DCAF6: variants seen among roughly 807,000 people sequenced by gnomAD.
DCAF6 encodes DDB1- and CUL4-associated factor 6.
A neutral mutation model predicts 125.1 loss-of-function variants in DCAF6; 54 were observed. The ratio of observed to expected loss-of-function variants is 0.43; its 90% CI spans 0.35 to 0.54. The LOEUF (loss-of-function observed/expected upper bound fraction) is 0.54. DCAF6 is among the 20% of genes least tolerant of loss of function. The pLI is 0.01. For synonymous variants in DCAF6, 371 were observed against 390.4 expected (o/e 0.95, Z 0.58); for missense variants, 934 against 1,161.7 (o/e 0.80, Z 2.85).
chr1:167,911,527 T>A, the DCAF6 span, among the ~76,000 whole-genome samples: 1 of 152,226 alleles, frequency 6.6e-6, no homozygotes, highest in Non-Finnish European at 1.5e-5. Context: ...CTCCTCTACC[T>A]TTGCCTCTTT....
intron 19 of DCAF6, 27 bp downstream of exon 19, chr1:168,065,773 C>A: frequency 6.3e-7 from 1 of 1,596,224 alleles, no homozygotes; most frequent in South Asian, 1.1e-5. Context: ...AGGACGAGGG[C>A]TAGAAATTAT....
the DCAF6 span, among the ~76,000 whole-genome samples, chr1:167,893,150 C>T: frequency 1.3e-5 from 2 of 152,166 alleles, no homozygotes; most frequent in African/African-American, 4.8e-5. Context: ...TAATTACCTG[C>T]ATTGTTAAAT....
intron 4 of DCAF6, among the ~76,000 whole-genome samples, chr1:167,976,896 T>TG (rs1678300429): frequency 8.8e-6 from 1 of 114,098 alleles, no homozygotes; most frequent in African/African-American, 3.9e-5. Flanking sequence ...GTTTTTTTTT[T>TG]TTTTTTTTTT....
the DCAF6 span, among the ~76,000 whole-genome samples, chr1:167,871,690 T>C: frequency 6.6e-6 from 1 of 152,240 alleles, no homozygotes; most frequent in African/African-American, 2.4e-5. Flanking sequence ...TCTAATGTCT[T>C]TGTTGAAGGA....
the DCAF6 span, chr1:167,893,782 T>C: frequency 9.4e-7 from 1 of 1,058,578 alleles, no homozygotes. Flanking sequence ...TTTTTTTTTC[T>C]TAAATCTTAA....
intron 12 of DCAF6, among the ~76,000 whole-genome samples, chr1:168,032,651 A>C (rs1406123535): frequency 2.6e-5 from 4 of 152,196 alleles, no homozygotes; most frequent in African/African-American, 9.7e-5. Flanking sequence ...TGGGAATTAG[A>C]ATATCATTAT....
chr1:167,961,483 C>T (rs983659803), intron 2 of DCAF6, among the ~76,000 whole-genome samples: 2 of 152,018 alleles, frequency 1.3e-5, no homozygotes, highest in East Asian at 3.9e-4. Flanking sequence ...CCCCGTGATC[C>T]GCCCTCCTTT....
chr1:167,890,272 G>A, the DCAF6 span, among the ~76,000 whole-genome samples: 12 of 152,218 alleles, frequency 7.9e-5, no homozygotes, highest in East Asian at 9.6e-4. Context: ...ACAGAGCACC[G>A]CAAGTGCAGT....
the DCAF6 span, among the ~76,000 whole-genome samples, chr1:167,900,810 G>T: frequency 6.6e-6 from 1 of 152,188 alleles, no homozygotes; most frequent in Non-Finnish European, 1.5e-5. Flanking sequence ...GGGATTACAG[G>T]TGTGAGCCAC....
At position 168,049,433 on chromosome 1, in the gene DCAF6, T is replaced by TGTTG. The variant is rs1423995685; in HGVS notation, c.2259-1459_2259-1458insGTTG. 8.6e-3 allele frequency among the ~76,000 whole-genome samples: 1,057 copies of TGTTG among 123,486 alleles called. 10 individuals carry two copies. The highest frequency in any genetic ancestry group is 0.04 in the African/African-American group (953 of 23,858). The allele number at this position is 123,486 out of a possible 152,430, so 81.0% of individuals were successfully genotyped here. On this transcript the variant is annotated intron_variant, in intron 16 of 21. Coordinates refer to ENST00000367840, the MANE Select transcript of DCAF6 (RefSeq NM_001198956.2). ...AATTTGTTGTTGTTGTTGTTGTTGT[T>TGTTG]TTTTTTTTTTTTTTTTTTTAGAAGA...
chr1:167,893,900 G>A, the DCAF6 span: 5 of 1,613,620 alleles, frequency 3.1e-6, no homozygotes, highest in Non-Finnish European at 4.2e-6. Flanking sequence ...GACATCTCCA[G>A]TTCAGGATCA....
intron 1 of DCAF6, among the ~76,000 whole-genome samples, chr1:167,951,296 C>T (rs894586148): frequency 2.0e-5 from 3 of 152,074 alleles, no homozygotes; most frequent in Non-Finnish European, 2.9e-5. Flanking sequence ...AACTACAGGC[C>T]GGGCGTGGTG....
At chr1:167,913,732 G>A in the DCAF6 span, among the ~76,000 whole-genome samples, 1 of 151,434 alleles carries the variant, frequency 6.6e-6, no homozygotes, top group African/African-American at 2.4e-5. Context: ...CTGCAGAAAA[G>A]AGGCAAATAA....
chr1:167,932,573 C>T (rs56330532), upstream of DCAF6, among the ~76,000 whole-genome samples: 2,004 of 152,102 alleles, frequency 0.013, 24 homozygotes, highest in Middle Eastern at 0.027. Flanking sequence ...CTTTGGGAGG[C>T]CAAGGCAGGT....
At chr1:167,893,378 G>A in the DCAF6 span, among the ~76,000 whole-genome samples, 2 of 152,074 alleles carry the variant, frequency 1.3e-5, no homozygotes, top group Non-Finnish European at 2.9e-5. Context: ...TGAAAGTATT[G>A]AGATTTGAAC....
At chr1:167,906,486 C>A in the DCAF6 span, among the ~76,000 whole-genome samples, 1 of 151,852 alleles carries the variant, frequency 6.6e-6, no homozygotes, top group Non-Finnish European at 1.5e-5. Flanking sequence ...GCTATATGAA[C>A]TTTTAAGAAG....
At chr1:167,901,354 GAAT>G in the DCAF6 span, among the ~76,000 whole-genome samples, 5 of 152,128 alleles carry the variant, frequency 3.3e-5, no homozygotes, top group Non-Finnish European at 7.3e-5. Context: ...CAGCAAGATG[GAAT>G]AATAATAACA....
chr1:167,897,623 G>A, the DCAF6 span, among the ~76,000 whole-genome samples: 4,282 of 4,282 alleles, frequency 1, 2,141 homozygotes, highest in Non-Finnish European at 1. Flanking sequence ...ACATCGGCTG[G>A]CAACTCTCTT....
chr1:167,888,655 T>C, the DCAF6 span, among the ~76,000 whole-genome samples: 1 of 152,012 alleles, frequency 6.6e-6, no homozygotes, highest in Non-Finnish European at 1.5e-5. Flanking sequence ...GGCGGGCGGA[T>C]CACGAGGTCA....
Sources: gnomAD v4.1 joint callset for allele counts (sites outside exome capture counted in the v4.1 genomes callset) on GRCh38, gnomAD v4.1.1 for gene constraint, MANE v1.5 for transcripts, NCBI Gene and HGNC (gene_info 2026-07-23, HGNC 2026-07-21) for gene names.